Variants in TSHR observed in about 807,000 individuals in gnomAD.
TSHR encodes the protein thyroid stimulating hormone receptor.
A neutral mutation model predicts 64.1 loss-of-function variants in TSHR; 51 were observed. The observed-to-expected ratio is 0.80, with a 90% CI of 0.64 to 1.01. The LOEUF (loss-of-function observed/expected upper bound fraction) is 1.01, where lower values mean the gene tolerates loss of function less well. Among genes scored for constraint, TSHR ranks in the 50% least tolerant of loss-of-function variants. The pLI is 0.00. For missense variants in TSHR, 877 were observed against 942.8 expected (o/e 0.93, Z 0.91); for synonymous variants, 361 against 361.9 (o/e 1.00, Z 0.03).
At chr14:80,999,926 C>CTTTTTTTTTTTTTTTTTTTTTTTT (rs887541689) in intron 1 of TSHR, among the ~76,000 whole-genome samples, 2 of 142,872 alleles carry the variant, frequency 1.4e-5, no homozygotes, top group Non-Finnish European at 3.0e-5. Context: ...AATTTTTTTT[C>CTTTTTTTTTTTTTTTTTTTTTTTT]TTTTTTTTCT....
intron 9 of TSHR, among the ~76,000 whole-genome samples, chr14:81,141,319 C>G (rs1891677054): frequency 3.3e-5 from 5 of 152,210 alleles, no homozygotes; most frequent in Admixed American, 3.3e-4. Context: ...CTAGATTTTT[C>G]CCTAGCCTCC....
intron 4 of TSHR, among the ~76,000 whole-genome samples, chr14:81,089,003 T>C (rs1416107358): frequency 5.4e-5 from 8 of 147,782 alleles, no homozygotes; most frequent in Non-Finnish European, 1.0e-4. Context: ...TTTTTTTTTT[T>C]TGAGATAGAG....
At chr14:81,011,228 T>TA (rs1325852749) in intron 1 of TSHR, among the ~76,000 whole-genome samples, 1 of 151,804 alleles carries the variant, frequency 6.6e-6, no homozygotes, top group Non-Finnish European at 1.5e-5. Context: ...TCTTTCTTTT[T>TA]TTTTCTGAAA....
chr14:81,096,026 T>C (rs1889152710), intron 6 of TSHR, among the ~76,000 whole-genome samples: 1 of 136,138 alleles, frequency 7.3e-6, no homozygotes, highest in Non-Finnish European at 1.5e-5. Flanking sequence ...GGTGACAGAG[T>C]GAGAGACCCT....
Position 81,021,008 on chromosome 14 carries a change from C to T in TSHR, c.171-41140C>T, listed in dbSNP as rs147346167. Among the ~76,000 whole-genome samples the T allele has an allele frequency of 2.6e-3, 388 of 151,994 alleles. 4 individuals carry two copies. The highest frequency in any genetic ancestry group is 8.5e-3 in the African/African-American group (353 of 41,430). ...GTCTCCCATCACCCACAGATGGGAC[C>T]ATCTAGTTGCAGGAAAACAAGCTCG... On this transcript the variant is annotated intron_variant, in intron 1 of 9. Transcript: ENST00000298171.
chr14:81,021,297 T>C (rs1428692169), intron 1 of TSHR, among the ~76,000 whole-genome samples: 1 of 152,118 alleles, frequency 6.6e-6, no homozygotes, highest in Non-Finnish European at 1.5e-5. Flanking sequence ...GCTTAAGTGT[T>C]CCCTCCCCTG....
At chr14:81,066,889 A>G (rs573204671) in intron 2 of TSHR, among the ~76,000 whole-genome samples, 2 of 152,294 alleles carry the variant, frequency 1.3e-5, no homozygotes, top group African/African-American at 4.8e-5. Flanking sequence ...GAAATACCTC[A>G]CAATAGAAAG....
chr14:81,048,252 T>C (rs528102324), intron 1 of TSHR, among the ~76,000 whole-genome samples: 2 of 152,296 alleles, frequency 1.3e-5, no homozygotes, highest in South Asian at 4.2e-4. Context: ...TCAGCTGAAT[T>C]CAGTTTTTTC....
At chr14:81,023,616 C>A (rs1025035959) in intron 1 of TSHR, among the ~76,000 whole-genome samples, 6 of 152,074 alleles carry the variant, frequency 3.9e-5, no homozygotes, top group African/African-American at 1.2e-4. Flanking sequence ...AAATGGCAGT[C>A]CCTTACTGGC....
intron 8 of TSHR, among the ~76,000 whole-genome samples, chr14:81,133,860 T>C (rs66489957): frequency 0.24 from 36,370 of 152,000 alleles, 4,473 homozygotes; most frequent in East Asian, 0.33. Flanking sequence ...ATTAAGGACC[T>C]GAGATAAATC....
chr14:81,054,703 C>T (rs909365928), intron 1 of TSHR, among the ~76,000 whole-genome samples: 1 of 152,068 alleles, frequency 6.6e-6, no homozygotes, highest in Non-Finnish European at 1.5e-5. Flanking sequence ...ATTTGTGGAA[C>T]TTTGAACTTG....
chr14:81,102,485 G>A (rs1171175717), intron 7 of TSHR, among the ~76,000 whole-genome samples: 1 of 152,176 alleles, frequency 6.6e-6, no homozygotes, highest in African/African-American at 2.4e-5. Context: ...AACAAATGTG[G>A]AAACTATTTC....
At chr14:80,967,885 G>A (rs1403668715) in intron 1 of TSHR, among the ~76,000 whole-genome samples, 1 of 152,086 alleles carries the variant, frequency 6.6e-6, no homozygotes, top group Admixed American at 6.5e-5. Flanking sequence ...AGGGAGAGAG[G>A]GAGAGTTTGC....
chr14:80,982,190 T>C lies in TSHR; in HGVS notation c.170+26340T>C. 4 of 583,224 alleles carry C rather than the reference T, an allele frequency of 6.9e-6. No individual in the cohort carries two copies. The East Asian group carries it at 1.0e-4, about 15-fold the overall frequency. The allele number at this position is 583,224 out of a possible 1,614,324, so 36.1% of individuals were successfully genotyped here. A position where few individuals can be genotyped will look rare whatever the true frequency, so the allele number is the denominator to read the frequency against. On this transcript the variant is annotated intron_variant, in intron 1 of 9. Transcript: ENST00000298171. ...CAGTGTCTAAGAACAAGGTCGGTGC[T>C]GAGATGAAGGAAGGAGCCCCTGTCA...
chr14:81,076,620 A>ATACCT (rs1248124900), intron 3 of TSHR, among the ~76,000 whole-genome samples: 1 of 152,110 alleles, frequency 6.6e-6, no homozygotes, highest in African/African-American at 2.4e-5. Context: ...ATGTATCACT[A>ATACCT]TACCTTCTTT....
At chr14:81,019,033 A>C (rs1438520337) in intron 1 of TSHR, among the ~76,000 whole-genome samples, 1 of 152,212 alleles carries the variant, frequency 6.6e-6, no homozygotes, top group Non-Finnish European at 1.5e-5. Context: ...AAATGAAAAG[A>C]AAAAGGCACA....
intron 1 of TSHR, among the ~76,000 whole-genome samples, chr14:80,957,610 A>G (rs1886769662): frequency 6.6e-6 from 1 of 152,236 alleles, no homozygotes; most frequent in African/African-American, 2.4e-5. Context: ...AAGTCATTGA[A>G]GAGAGATGTG....
chr14:81,129,574 C>T (rs185790171), intron 8 of TSHR, among the ~76,000 whole-genome samples: 23 of 152,342 alleles, frequency 1.5e-4, no homozygotes, highest in Admixed American at 9.8e-4. Context: ...CTTCCCCATT[C>T]CCTCTCCCAG....
In TSHR at chr14:81,019,983, G is replaced by A. The variant is rs187268906; in HGVS notation, c.171-42165G>A. On this transcript the variant is annotated intron_variant, in intron 1 of 9. Transcript: ENST00000298171. ...CCTTTGGGTATATACCCAGTAATGG[G>A]ATTGCTGGGTCAAATGGTATTTCTA... 2.6e-5 allele frequency among the ~76,000 whole-genome samples: 4 copies of A among 152,248 alleles called. No individual in the cohort carries two copies. In the East Asian group the frequency reaches 7.7e-4, roughly 29 times the overall value.
Sources: gnomAD v4.1 joint callset for allele counts (sites outside exome capture counted in the v4.1 genomes callset) on GRCh38, gnomAD v4.1.1 for gene constraint, MANE v1.5 for transcripts, NCBI Gene and HGNC (gene_info 2026-07-23, HGNC 2026-07-21) for gene names.